Variants in PAXIP1 observed in about 807,000 individuals in gnomAD.
PAXIP1 encodes PAX-interacting protein 1.
In PAXIP1, 19 loss-of-function variants were observed where a neutral mutation model predicts 140.6. The ratio of observed to expected loss-of-function variants is 0.14; its 90% CI spans 0.09 to 0.20. The LOEUF is 0.20. PAXIP1 is among the 10% of genes least tolerant of loss of function. The pLI, the probability that PAXIP1 is intolerant of heterozygous loss-of-function variation, is 1.00. For missense variants in PAXIP1, 920 were observed against 1,208.6 expected (o/e 0.76, Z 3.54); for synonymous variants, 442 against 444.6 (o/e 0.99, Z 0.07).
At chr7:154,960,078 G>A (rs1808692779) in intron 12 of PAXIP1, 145 bp from the exon 13 acceptor site, 1 of 595,384 alleles carries the variant, frequency 1.7e-6, no homozygotes, top group East Asian at 2.8e-5. Context: ...GTACTATAAT[G>A]AAGTTTTAAA....
At chr7:154,983,148 C>CA (rs200088452) in intron 5 of PAXIP1, 71 bp downstream of exon 5, 10,438 of 722,298 alleles carry the variant, frequency 0.014, 120 homozygotes, top group Admixed American at 0.02. Context: ...AAAAGAAGCT[C>CA]AAAAAAGACA....
intron 3 of PAXIP1, among the ~76,000 whole-genome samples, chr7:154,991,990 A>C (rs937110150): frequency 6.6e-6 from 1 of 152,234 alleles, no homozygotes; most frequent in Non-Finnish European, 1.5e-5. Flanking sequence ...CTGTAAAAAA[A>C]ACTCTGAAGA....
chr7:154,946,432 A>G lies in PAXIP1; in HGVS notation c.3134-7T>C, dbSNP rs771203543. The G allele has an allele frequency of 1.2e-6, 2 of 1,613,232 alleles. No individual in the cohort carries two copies. Among genetic ancestry groups the G allele is most frequent in the Non-Finnish European group, 1.7e-6 (2 of 1,179,126 alleles). On this transcript the variant is annotated splice_region_variant and splice_polypyrimidine_tract_variant and intron_variant, in intron 19 of 20. Transcript: ENST00000404141. This position sits in a 1 kb window ranked among gnomAD's most constrained non-coding sequence, Gnocchi z 4.9. ...AACTCTGCATTGTGAACATCTGAAC[A>G]GGGTGGAAACAGACACTTTAGTTAG...
intron 17 of PAXIP1, chr7:154,947,183 A>C (rs1405670864): frequency 5.5e-6 from 1 of 180,252 alleles, no homozygotes; most frequent in East Asian, 1.6e-4. Context: ...AGCCTCTGGC[A>C]TAGCATGCTG....
Position 154,963,198 on chromosome 7 carries a change from T to TG in PAXIP1, c.1989+472dup, listed in dbSNP as rs1234204888. On this transcript the variant is annotated intron_variant, in intron 9 of 20. Coordinates refer to ENST00000404141, the MANE Select transcript of PAXIP1 (RefSeq NM_007349.4). The surrounding 1 kb of genome is among the most constrained non-coding windows in gnomAD (Gnocchi z 4.1). ...TTCTTTCTTTTATTTTTTTTTGAGATGGAGTCTCGCTGTGTCACTCAGGCT... is the reference window on the plus strand; with the variant it reads ...TTCTTTCTTTTATTTTTTTTTGAGATGGGAGTCTCGCTGTGTCACTCAGGCT... 6.6e-6 allele frequency among the ~76,000 whole-genome samples: 1 copy of TG among 151,750 alleles called. No individual in the cohort carries two copies. Among genetic ancestry groups the TG allele is most frequent in the Non-Finnish European group, 1.5e-5 (1 of 67,930 alleles).
At chr7:154,991,452 CTT>C (rs1563388654) in intron 3 of PAXIP1, among the ~76,000 whole-genome samples, 3 of 152,212 alleles carry the variant, frequency 2.0e-5, no homozygotes, top group South Asian at 2.1e-4. Flanking sequence ...ATTAAAACGT[CTT>C]GTTTCTTTTA....
chr7:154,979,680 AATTAAT>A (rs1809753962), intron 5 of PAXIP1, among the ~76,000 whole-genome samples: 1 of 151,066 alleles, frequency 6.6e-6, no homozygotes. Flanking sequence ...TAATTAATAT[AATTAAT>A]ATAACCATTT....
chr7:154,993,526 GC>G (rs984062364), intron 3 of PAXIP1, among the ~76,000 whole-genome samples, 199 bp downstream of exon 3: 1 of 152,066 alleles, frequency 6.6e-6, no homozygotes, highest in Non-Finnish European at 1.5e-5. Flanking sequence ...TCACAGCTGA[GC>G]CCCCTTTTAA....
intron 5 of PAXIP1, among the ~76,000 whole-genome samples, chr7:154,976,802 C>T (rs780427680): frequency 6.6e-6 from 1 of 152,194 alleles, no homozygotes; most frequent in Non-Finnish European, 1.5e-5. Flanking sequence ...TTGCATAGGA[C>T]AGCTCTATTC....
At chr7:154,978,262 C>T (rs1279968999) in intron 5 of PAXIP1, among the ~76,000 whole-genome samples, 3 of 152,160 alleles carry the variant, frequency 2.0e-5, no homozygotes, top group East Asian at 1.9e-4. Context: ...GTGTTAGCCA[C>T]GTGGTTGTTT....
chr7:154,990,506 T>A (rs1265573727), intron 4 of PAXIP1, among the ~76,000 whole-genome samples: 1 of 152,234 alleles, frequency 6.6e-6, no homozygotes, highest in Admixed American at 6.5e-5. Context: ...GAACACACTG[T>A]TACAAATTCG....
chr7:154,988,087 T>C (rs1810156316), intron 4 of PAXIP1, among the ~76,000 whole-genome samples: 1 of 152,256 alleles, frequency 6.6e-6, no homozygotes, highest in South Asian at 2.1e-4. Context: ...TTCAAACTCA[T>C]ATACCTTGGT....
intron 8 of PAXIP1, chr7:154,965,657 C>A (rs1006432459): frequency 1.3e-5 from 2 of 152,194 alleles, no homozygotes; most frequent in Non-Finnish European, 2.9e-5. Context: ...CATATATTTT[C>A]TCTTCCTTAT....
chr7:154,944,360 T>G, intron 20 of PAXIP1, 196 bp from the exon 21 acceptor site: 1 of 512,372 alleles, frequency 2.0e-6, no homozygotes, highest in Non-Finnish European at 3.5e-6. Flanking sequence ...ACAGGCTCAC[T>G]CAGCCCGGGG....
chr7:154,993,764 A>G lies in PAXIP1; in HGVS notation c.222T>C (p.Ser74=). Reference sequence around the variant, plus strand: ...CACACTGAACGGACAGAATCACCCAAGAAGGCTGAAAAAGAAAAGATTAAA... The same window carrying G: ...CACACTGAACGGACAGAATCACCCAGGAAGGCTGAAAAAGAAAAGATTAAA... ...EVFDLPVVKP[S]WVILSVQCGT... The change falls in exon 3 of 21, where the codon TCT becomes TCC. Residue 74 remains serine (S), a synonymous_variant. Coordinates refer to ENST00000404141, the MANE Select transcript of PAXIP1 (RefSeq NM_007349.4). 1.3e-6 allele frequency: 2 copies of G among 1,585,622 alleles called. No homozygotes were observed. Among genetic ancestry groups the G allele is most frequent in the East Asian group, 4.6e-5 (2 of 43,566 alleles).
rs958731609 is a variant in PAXIP1, at chr7:154,986,061, C to G, written c.325-2729G>C. 7.3e-7 allele frequency: 1 copy of G among 1,364,966 alleles called. No individual in the cohort carries two copies. Among genetic ancestry groups the G allele is most frequent in the African/African-American group, 1.5e-5 (1 of 67,696 alleles). The allele number at this position is 1,364,966 out of a possible 1,614,324, so 84.6% of individuals were successfully genotyped here. The stretch of plus-strand genomic sequence containing the variant: ...GCCTCAGCCTGCATCAATACCGGGT[C>G]AGAAGAAGGCAGATGATCTCTGTGC... On this transcript the variant is annotated intron_variant, in intron 4 of 20. Coordinates refer to ENST00000404141, the MANE Select transcript of PAXIP1 (RefSeq NM_007349.4). The surrounding 1 kb of genome is among the most constrained non-coding windows in gnomAD (Gnocchi z 4.8).
At position 154,986,873 on chromosome 7, in the gene PAXIP1, T is replaced by C. The variant is rs762682698; in HGVS notation, c.325-3541A>G. On this transcript the variant is annotated intron_variant, in intron 4 of 20. Coordinates refer to ENST00000404141, the MANE Select transcript of PAXIP1 (RefSeq NM_007349.4). This position sits in a 1 kb window ranked among gnomAD's most constrained non-coding sequence, Gnocchi z 4.8. Reference sequence around the variant, plus strand: ...TCTGATTTTTCTTATCCACTGAATTTGCTAAAAGGATATAAAATACTATCA... The same window carrying C: ...TCTGATTTTTCTTATCCACTGAATTCGCTAAAAGGATATAAAATACTATCA... 2.0e-5 allele frequency among the ~76,000 whole-genome samples: 3 copies of C among 152,228 alleles called. No individual in the cohort carries two copies. Among genetic ancestry groups the C allele is most frequent in the Non-Finnish European group, 4.4e-5 (3 of 68,038 alleles).
intron 8 of PAXIP1, chr7:154,964,117 C>T (rs1808893729): frequency 5.4e-6 from 1 of 185,774 alleles, no homozygotes; most frequent in Non-Finnish European, 1.1e-5. Context: ...GTGTCCCCAA[C>T]TTCTACCCAC....
chr7:154,998,629 C>T, intron 2 of PAXIP1, 21 bp downstream of exon 2: 4 of 1,603,246 alleles, frequency 2.5e-6, no homozygotes, highest in Non-Finnish European at 3.4e-6. Context: ...AGATATAAAA[C>T]AAATTATGTT....
Sources: allele counts gnomAD v4.1 joint callset (sites outside exome capture counted in the v4.1 genomes callset), GRCh38; gene constraint gnomAD v4.1.1; non-coding constraint Gnocchi (gnomAD v3.1); transcripts MANE v1.5; gene names NCBI Gene and HGNC (gene_info 2026-07-23, HGNC 2026-07-21).